PPA2: variants seen among roughly 807,000 people sequenced by gnomAD.
The protein encoded by PPA2 is inorganic pyrophosphatase 2, also known as inorganic pyrophosphatase 2, mitochondrial.
A neutral mutation model predicts 49.5 loss-of-function variants in PPA2; 48 were observed. That is an observed-to-expected ratio of 0.97 (90% CI 0.77 to 1.23). The LOEUF (loss-of-function observed/expected upper bound fraction) is 1.23. PPA2 is among the 50% of genes most tolerant of loss of function. The pLI is 0.00. For synonymous variants in PPA2, 131 were observed against 139.9 expected (o/e 0.94, Z 0.45); for missense variants, 429 against 410.1 (o/e 1.05, Z -0.40).
chr4:105,430,634 G>T (rs1723754411), intron 6 of PPA2, among the ~76,000 whole-genome samples: 1 of 152,154 alleles, frequency 6.6e-6, no homozygotes, highest in Admixed American at 6.6e-5. Flanking sequence ...GAGTGTCAAG[G>T]TAGGTTCTCT....
At chr4:105,470,520 A>T (rs1367298985) in intron 1 of PPA2, among the ~76,000 whole-genome samples, 4 of 152,212 alleles carry the variant, frequency 2.6e-5, no homozygotes, top group African/African-American at 9.7e-5. Context: ...TAAAAATAAA[A>T]TGAATAAACA....
intron 7 of PPA2, among the ~76,000 whole-genome samples, chr4:105,404,603 T>C (rs1413985743): frequency 6.6e-6 from 1 of 152,140 alleles, no homozygotes; most frequent in Non-Finnish European, 1.5e-5. Context: ...AAATCCAGAA[T>C]AGGGAAGAAG....
chr4:105,386,629 C>G lies in PPA2; in HGVS notation c.877G>C (p.Val293Leu). 1 of 1,611,672 alleles carries G rather than the reference C, an allele frequency of 6.2e-7. No homozygotes were observed. The highest frequency in any genetic ancestry group is 8.5e-7 in the Non-Finnish European group (1 of 1,178,338). ...CGGAAAGGGCTATCAGATATCTGCA[C>G]GTTTGTGCTGGAGAGGAAAAGAGAA... ...CNGGAINCTN[V>L]QISDSPFRCT... The change falls in exon 10 of 12, where the codon GTG becomes CTG. Residue 293 changes from valine to leucine, a missense_variant. Coordinates refer to ENST00000341695, the MANE Select transcript of PPA2 (RefSeq NM_176869.3).
intron 6 of PPA2, among the ~76,000 whole-genome samples, chr4:105,430,409 T>C (rs547272859): frequency 6.6e-6 from 1 of 152,324 alleles, no homozygotes; most frequent in Admixed American, 6.5e-5. Flanking sequence ...CTCTATTAAG[T>C]ACTCGGCTCT....
intron 9 of PPA2, among the ~76,000 whole-genome samples, chr4:105,392,118 T>C (rs1733946377): frequency 6.6e-6 from 1 of 152,186 alleles, no homozygotes; most frequent in South Asian, 2.1e-4. Flanking sequence ...GGGAGAGGAC[T>C]GAAGAGTAAA....
intron 7 of PPA2, among the ~76,000 whole-genome samples, chr4:105,412,724 A>G (rs962074558): frequency 6.6e-6 from 1 of 152,276 alleles, no homozygotes; most frequent in Non-Finnish European, 1.5e-5. Context: ...CAACAGACAC[A>G]TGAAAACATG....
At chr4:105,469,117 CACTT>C (rs1316289113) in intron 1 of PPA2, among the ~76,000 whole-genome samples, 2 of 152,276 alleles carry the variant, frequency 1.3e-5, no homozygotes, top group African/African-American at 4.8e-5. Context: ...TTCTTATCCT[CACTT>C]ACTATCACTT....
intron 9 of PPA2, among the ~76,000 whole-genome samples, chr4:105,391,920 T>A (rs1733938450): frequency 6.6e-6 from 1 of 152,110 alleles, no homozygotes; most frequent in South Asian, 2.1e-4. Flanking sequence ...ACTTTATGAG[T>A]AAAGAAATGC....
chr4:105,461,687 G>A (rs1487341996), intron 1 of PPA2, among the ~76,000 whole-genome samples: 1 of 152,128 alleles, frequency 6.6e-6, no homozygotes, highest in Non-Finnish European at 1.5e-5. Flanking sequence ...CAGAATTTTA[G>A]TTTATTTCTC....
At chr4:105,416,351 C>T (rs996517422) in intron 7 of PPA2, among the ~76,000 whole-genome samples, 1 of 152,036 alleles carries the variant, frequency 6.6e-6, no homozygotes, top group Non-Finnish European at 1.5e-5. Flanking sequence ...TCTCTTTGCC[C>T]TTATTATATA....
chr4:105,404,115 G>A (rs1462375150), intron 7 of PPA2, among the ~76,000 whole-genome samples: 2 of 151,734 alleles, frequency 1.3e-5, no homozygotes, highest in African/African-American at 4.8e-5. Context: ...GAGAAATTTA[G>A]AGAAAGTATG....
chr4:105,372,815 T>C (rs1221967019), intron 10 of PPA2, among the ~76,000 whole-genome samples: 1 of 152,224 alleles, frequency 6.6e-6, no homozygotes, highest in Non-Finnish European at 1.5e-5. Context: ...TCTTTCTGTA[T>C]ATGCACATCC....
At chr4:105,425,453 C>A (rs552688875) in intron 6 of PPA2, among the ~76,000 whole-genome samples, 71 of 152,084 alleles carry the variant, frequency 4.7e-4, no homozygotes, top group African/African-American at 1.6e-3. Context: ...AGCTTAACAA[C>A]AAAATAGACA....
Position 105,449,332 on chromosome 4 carries a change from A to G in PPA2, c.321+18T>C, listed in dbSNP as rs762353314. The G allele has an allele frequency of 6.7e-7, 1 of 1,487,880 alleles. No individual in the cohort carries two copies. The highest frequency in any genetic ancestry group is 2.3e-5 in the East Asian group (1 of 42,952). 92.2% of individuals were successfully genotyped at this position (1,487,880 alleles called of 1,614,324 possible). A position where few individuals can be genotyped will look rare whatever the true frequency, so the allele number is the denominator to read the frequency against. On this transcript the variant is annotated intron_variant, in intron 4 of 11. Transcript: ENST00000341695. ...ATTATAATCATTTCGGTTTCATATTAATAAAGTATATCGGTACCTCCATTT... is the reference window on the plus strand; with the variant it reads ...ATTATAATCATTTCGGTTTCATATTGATAAAGTATATCGGTACCTCCATTT...
chr4:105,454,294 T>TGCG, intron 2 of PPA2, among the ~76,000 whole-genome samples: 1 of 111,426 alleles, frequency 9.0e-6, no homozygotes, highest in East Asian at 2.1e-4. Context: ...TTTTTGTTTT[T>TGCG]GCTGCTGCTG....
In PPA2 at chr4:105,424,234, G is replaced by A; in HGVS notation, c.617C>T (p.Ala206Val). ...GGCTTCAGGATCATTCGCATTGATAGCAATTAATTTCCAATCTGTTTCACC... is the reference window on the plus strand; with the variant it reads ...GGCTTCAGGATCATTCGCATTGATAACAATTAATTTCCAATCTGTTTCACC... Reference protein sequence around the residue: ...DEGETDWKLIAINANDPEASK... With the variant: ...DEGETDWKLIVINANDPEASK... The change falls in exon 7 of 12, where the codon GCT becomes GTT. Residue 206 changes from alanine (A) to valine (V), a missense_variant. By Grantham distance (64) the Ala-to-Val change is moderately conservative. Coordinates refer to ENST00000341695, the MANE Select transcript of PPA2 (RefSeq NM_176869.3). 1 of 1,609,290 alleles carries A rather than the reference G, an allele frequency of 6.2e-7. No individual in the cohort carries two copies. Among genetic ancestry groups the A allele is most frequent in the South Asian group, 1.1e-5 (1 of 89,694 alleles).
At chr4:105,459,840 C>T (rs1309802257) in intron 1 of PPA2, among the ~76,000 whole-genome samples, 6 of 152,152 alleles carry the variant, frequency 3.9e-5, no homozygotes, top group Middle Eastern at 3.2e-3. Context: ...ACATAACATA[C>T]TGGAAAAGGC....
chr4:105,453,997 C>A (rs1301255646), intron 2 of PPA2: 1 of 169,842 alleles, frequency 5.9e-6, no homozygotes, highest in African/African-American at 2.4e-5. Context: ...AATGAAGCTC[C>A]AGGGAGCATG....
rs765143005 is a variant in PPA2, at chr4:105,399,117, G to A, written c.703C>T (p.Leu235Phe). 9.3e-6 allele frequency: 15 copies of A among 1,610,128 alleles called. No homozygotes were observed. Among genetic ancestry groups the A allele is most frequent in the South Asian group, 3.3e-5 (3 of 89,918 alleles). The change falls in exon 8 of 12, where the codon CTT (leucine) becomes TTT (phenylalanine). Residue 235 changes from leucine (L) to phenylalanine (F), a missense_variant. Coordinates refer to ENST00000341695, the MANE Select transcript of PPA2 (RefSeq NM_176869.3). ...ACCTTATATAATCTAAACCAATTAAGAGTAGCTTCCAGGTAACCCGGTTTG... is the reference window on the plus strand; with the variant it reads ...ACCTTATATAATCTAAACCAATTAAAAGTAGCTTCCAGGTAACCCGGTTTG... ...KFKPGYLEAT[L>F]NWFRLYKVPD...
Sources: allele counts gnomAD v4.1 joint callset (sites outside exome capture counted in the v4.1 genomes callset), GRCh38; gene constraint gnomAD v4.1.1; transcripts MANE v1.5; gene names NCBI Gene and HGNC (gene_info 2026-07-23, HGNC 2026-07-21).